The following ATE1 variants were observed in gnomAD, a reference collection of about 807,000 sequenced individuals.
ATE1 encodes the protein arginyltransferase 1.
ATE1 carries 36 observed loss-of-function variants against 70.5 expected under a neutral mutation model. That is an observed-to-expected ratio of 0.51 (90% CI 0.39 to 0.67). The LOEUF is 0.67. ATE1 is among the 30% of genes least tolerant of loss of function. The pLI is 0.00. For missense variants in ATE1, 593 were observed against 629.5 expected (o/e 0.94, Z 0.62); for synonymous variants, 232 against 219.3 (o/e 1.06, Z -0.51).
chr10:121,783,241 T>C (rs1946070040), intron 11 of ATE1, among the ~76,000 whole-genome samples: 3 of 152,178 alleles, frequency 2.0e-5, no homozygotes, highest in South Asian at 4.1e-4. Flanking sequence ...CACTAGTCAA[T>C]AGTGGTAATC....
rs576262655 is a variant in ATE1 at position 121,857,954 on chromosome 10, T to C, written c.975+12052A>G. 1.7e-3 allele frequency among the ~76,000 whole-genome samples: 254 copies of C among 152,354 alleles called. 1 individual carries two copies. The highest frequency in any genetic ancestry group is 3.1e-3 in the Non-Finnish European group (208 of 68,024). ...GTAGATCATATAATATTTGTCCTTT[T>C]GTAATTGGCTTATTGCACTTAGCAT... On this transcript the variant is annotated intron_variant, in intron 8 of 11. Transcript: ENST00000224652.
chr10:121,807,388 C>T (rs371933203), intron 10 of ATE1, among the ~76,000 whole-genome samples: 2 of 151,406 alleles, frequency 1.3e-5, no homozygotes, highest in South Asian at 2.1e-4. Flanking sequence ...GAAGAACTCA[C>T]GGTTTATTAC....
At chr10:121,894,211 T>C (rs1340883602) in intron 7 of ATE1, among the ~76,000 whole-genome samples, 1 of 145,830 alleles carries the variant, frequency 6.9e-6, no homozygotes, top group Non-Finnish European at 1.5e-5. Context: ...GGAAGTAAAA[T>C]GGAAGGCATA....
intron 8 of ATE1, among the ~76,000 whole-genome samples, chr10:121,868,866 A>G (rs1949753140): frequency 6.6e-6 from 1 of 152,222 alleles, no homozygotes; most frequent in Non-Finnish European, 1.5e-5. Flanking sequence ...TCAATGCGCC[A>G]GTGTAGGCCA....
intron 10 of ATE1, among the ~76,000 whole-genome samples, chr10:121,809,614 T>C (rs938390462): frequency 2.6e-5 from 4 of 152,154 alleles, no homozygotes; most frequent in Non-Finnish European, 5.9e-5. Flanking sequence ...CAGTTTTCCA[T>C]CACAGTTGCT....
intron 11 of ATE1, among the ~76,000 whole-genome samples, chr10:121,754,458 C>G (rs1475678625): frequency 4.6e-5 from 7 of 152,118 alleles, no homozygotes; most frequent in Non-Finnish European, 8.8e-5. Context: ...ACAATTTGAG[C>G]ATTCAAAATA....
intron 3 of ATE1, among the ~76,000 whole-genome samples, chr10:121,920,846 T>C (rs956048118): frequency 1.3e-5 from 2 of 151,586 alleles, no homozygotes; most frequent in Non-Finnish European, 2.9e-5. Flanking sequence ...TACAAAAAAT[T>C]AGCCGGGCGT....
intron 11 of ATE1, among the ~76,000 whole-genome samples, chr10:121,789,696 G>T (rs1402828318): frequency 2.0e-5 from 3 of 152,030 alleles, no homozygotes; most frequent in African/African-American, 7.2e-5. Flanking sequence ...TACTGGAAGG[G>T]TACGCCAGAG....
intron 11 of ATE1, among the ~76,000 whole-genome samples, chr10:121,777,581 C>T (rs1945801464): frequency 6.6e-6 from 1 of 152,172 alleles, no homozygotes; most frequent in Admixed American, 6.5e-5. Flanking sequence ...TGCAGGGGGA[C>T]ACCTGGTCAT....
chr10:121,838,054 C>T (rs4326725), intron 9 of ATE1, among the ~76,000 whole-genome samples: 43,752 of 151,938 alleles, frequency 0.29, 6,964 homozygotes, highest in South Asian at 0.44. Flanking sequence ...TTGAATCTGA[C>T]CACTTCTTAC....
At chr10:121,908,924 C>A (rs1951311471) in intron 5 of ATE1, among the ~76,000 whole-genome samples, 1 of 152,182 alleles carries the variant, frequency 6.6e-6, no homozygotes, top group Non-Finnish European at 1.5e-5. Context: ...GAAAGTGGAA[C>A]AAACAACCCA....
chr10:121,807,385 T>G (rs1448122299), intron 10 of ATE1, among the ~76,000 whole-genome samples: 1 of 151,784 alleles, frequency 6.6e-6, no homozygotes, highest in Non-Finnish European at 1.5e-5. Flanking sequence ...ATGGAAGAAC[T>G]CACGGTTTAT....
At chr10:121,805,368 G>A (rs1947054745) in intron 10 of ATE1, among the ~76,000 whole-genome samples, 1 of 152,102 alleles carries the variant, frequency 6.6e-6, no homozygotes, top group South Asian at 2.1e-4. Flanking sequence ...CAATAAGCTA[G>A]TATTTATTGA....
chr10:121,872,775 GA>G lies in ATE1; in HGVS notation c.943-2738del, dbSNP rs796682036. 8.5e-3 allele frequency among the ~76,000 whole-genome samples: 1,241 copies of G among 145,840 alleles called. 26 individuals carry two copies. The highest frequency in any genetic ancestry group is 0.026 in the African/African-American group (1,051 of 39,854). On this transcript the variant is annotated intron_variant, in intron 7 of 11. Coordinates refer to ENST00000224652, the MANE Select transcript of ATE1 (RefSeq NM_001001976.3). ...AAACTACTAAAAAGTAAAGTCTATT[GA>G]AAAAAAAAAGACTACGGCTGCACGC...
At chr10:121,776,277 T>A (rs1281738056) in intron 11 of ATE1, among the ~76,000 whole-genome samples, 1 of 152,198 alleles carries the variant, frequency 6.6e-6, no homozygotes, top group African/African-American at 2.4e-5. Context: ...ATTCCTTTTA[T>A]CTAACTGTAT....
chr10:121,770,734 T>TAAAAAAAAAA (rs57921362), intron 11 of ATE1, among the ~76,000 whole-genome samples: 1 of 140,798 alleles, frequency 7.1e-6, no homozygotes, highest in Non-Finnish European at 1.5e-5. Flanking sequence ...TTTCCTTAAC[T>TAAAAAAAAAA]AAAAAAAAAA....
Position 121,898,751 on chromosome 10 carries a change from G to T in ATE1, c.942+1115C>A. ...GAAGTTCAGTAATACACACTGAAAG[G>T]GTCATCAGCTCCACCTGACAAGAAA... On this transcript the variant is annotated intron_variant, in intron 7 of 11. Coordinates refer to ENST00000224652, the MANE Select transcript of ATE1 (RefSeq NM_001001976.3). 4.1e-6 allele frequency: 6 copies of T among 1,460,970 alleles called. No individual in the cohort carries two copies. In the South Asian group the frequency reaches 8.2e-5, roughly 20 times the overall value. 90.5% of individuals were successfully genotyped at this position (1,460,970 alleles called of 1,614,324 possible).
intron 7 of ATE1, among the ~76,000 whole-genome samples, chr10:121,888,021 C>T (rs1950459133): frequency 6.6e-6 from 1 of 152,144 alleles, no homozygotes; most frequent in South Asian, 2.1e-4. Flanking sequence ...GTTATTCCTC[C>T]TACCTCAGAA....
At chr10:121,891,829 A>G (rs1438065041) in intron 7 of ATE1, among the ~76,000 whole-genome samples, 1 of 152,188 alleles carries the variant, frequency 6.6e-6, no homozygotes, top group Non-Finnish European at 1.5e-5. Context: ...TTTCCAACGA[A>G]AAAAGCAAAA....
Sources: gnomAD v4.1 joint callset for allele counts (sites outside exome capture counted in the v4.1 genomes callset) on GRCh38, gnomAD v4.1.1 for gene constraint, MANE v1.5 for transcripts, NCBI Gene and HGNC (gene_info 2026-07-23, HGNC 2026-07-21) for gene names.